Variants in PHTF2 observed in about 807,000 individuals in gnomAD.
The protein encoded by PHTF2 is protein PHTF2.
In PHTF2, 60 loss-of-function variants were observed where a neutral mutation model predicts 101.2. The observed-to-expected ratio is 0.59, with a 90% CI of 0.48 to 0.73. The LOEUF is 0.73. Among genes scored for constraint, PHTF2 ranks in the 30% least tolerant of loss-of-function variants. PHTF2 has a pLI of 0.00. For missense variants in PHTF2, 747 were observed against 908.7 expected (o/e 0.82, Z 2.29); for synonymous variants, 311 against 307.3 (o/e 1.01, Z -0.13).
intron 11 of PHTF2, among the ~76,000 whole-genome samples, chr7:77,926,071 A>C (rs1803973567): frequency 6.6e-6 from 1 of 151,874 alleles, no homozygotes; most frequent in South Asian, 2.1e-4. Flanking sequence ...AAACAAAAAC[A>C]AAAACCCACT....
chr7:77,872,880 A>C (rs1051928709), intron 3 of PHTF2, among the ~76,000 whole-genome samples: 5 of 152,094 alleles, frequency 3.3e-5, no homozygotes, highest in Non-Finnish European at 7.4e-5. Context: ...GCTCACTCAG[A>C]GTGGGCCATC....
In PHTF2 at chr7:77,839,846, A is replaced by G. The variant is rs553423496; in HGVS notation, c.-35-375A>G. On this transcript the variant is annotated intron_variant, in intron 1 of 19. Coordinates refer to ENST00000416283, the Ensembl canonical transcript of PHTF2. Reference sequence around the variant, plus strand: ...CCATCCTTTAGCAATGGTAACTGACACTGGTTTTTAGAAACAAACTACATT... The same window carrying G: ...CCATCCTTTAGCAATGGTAACTGACGCTGGTTTTTAGAAACAAACTACATT... 4.6e-5 allele frequency among the ~76,000 whole-genome samples: 7 copies of G among 152,310 alleles called. No individual in the cohort carries two copies. In the South Asian group the frequency reaches 1.0e-3, roughly 23 times the overall value.
rs775426168 is a variant in PHTF2, at chr7:77,940,263, CT to C, written c.1709del (p.Leu570CysfsTer4). On this transcript the variant is annotated frameshift_variant, in exon 14 of 20. Coordinates refer to ENST00000416283, the Ensembl canonical transcript of PHTF2. LOFTEE classifies it high-confidence loss of function. ...TTCGCGTGTCTCTTGTGTGGATTTT[CT>C]TTTTTTTGCTCTGTGTAGCAGAAAG... is the stretch of plus-strand genomic sequence containing the variant. 1.2e-6 allele frequency: 2 copies of C among 1,611,986 alleles called. No homozygotes were observed. The highest frequency in any genetic ancestry group is 1.1e-5 in the South Asian group (1 of 90,942).
chr7:77,848,455 A>G (rs1412779374), intron 2 of PHTF2, among the ~76,000 whole-genome samples: 1 of 152,174 alleles, frequency 6.6e-6, no homozygotes, highest in East Asian at 1.9e-4. Context: ...TTCTCTGATG[A>G]TCCATGATGT....
chr7:77,887,041 G>A (rs1238668525), intron 3 of PHTF2, among the ~76,000 whole-genome samples: 2 of 84,174 alleles, frequency 2.4e-5, no homozygotes, highest in African/African-American at 6.3e-5. Flanking sequence ...GTGAGACCCT[G>A]TCTTTAAAAA....
intron 16 of PHTF2, among the ~76,000 whole-genome samples, chr7:77,943,435 C>A (rs1805800230): frequency 4.6e-5 from 7 of 152,026 alleles, no homozygotes; most frequent in Admixed American, 4.6e-4. Flanking sequence ...CCTATTCTTT[C>A]ATTTTTTATA....
intron 5 of PHTF2, among the ~76,000 whole-genome samples, chr7:77,900,354 C>G (rs1198805546): frequency 6.6e-6 from 1 of 152,152 alleles, no homozygotes; most frequent in Non-Finnish European, 1.5e-5. Flanking sequence ...GGCTGCTGCT[C>G]CCCTAGCTAG....
At chr7:77,840,182 G>A (rs1318903654) in intron 1 of PHTF2, 39 bp from the exon 2 acceptor site, 4 of 1,074,886 alleles carry the variant, frequency 3.7e-6, no homozygotes, top group African/African-American at 1.6e-5. Flanking sequence ...TTGGAAGGTG[G>A]GAAATAAAGT....
chr7:77,954,614 A>ATATATATATATG (rs1562982683), intron 19 of PHTF2, among the ~76,000 whole-genome samples: 1 of 39,416 alleles, frequency 2.5e-5, no homozygotes, highest in African/African-American at 1.1e-4. Context: ...AGTACTGTGT[A>ATATATATATATG]TATATATATA....
chr7:77,917,670 C>A (rs1199760555), intron 9 of PHTF2, among the ~76,000 whole-genome samples: 2 of 152,200 alleles, frequency 1.3e-5, no homozygotes, highest in Non-Finnish European at 2.9e-5. Flanking sequence ...CCCTGCCAGG[C>A]TGCACCTGGT....
At chr7:77,938,334 A>G (rs1242043216) in intron 13 of PHTF2, among the ~76,000 whole-genome samples, 1 of 152,258 alleles carries the variant, frequency 6.6e-6, no homozygotes, top group Admixed American at 6.5e-5. Context: ...TAATGCAGAT[A>G]GTGGTAAAAG....
intron 5 of PHTF2, among the ~76,000 whole-genome samples, chr7:77,899,318 C>A (rs1406287804): frequency 6.6e-6 from 1 of 151,572 alleles, no homozygotes; most frequent in African/African-American, 2.4e-5. Context: ...TCACCTTGTT[C>A]GACCTCAGCT....
At chr7:77,878,780 A>G (rs1799158764) in intron 3 of PHTF2, among the ~76,000 whole-genome samples, 1 of 152,258 alleles carries the variant, frequency 6.6e-6, no homozygotes, top group Non-Finnish European at 1.5e-5. Context: ...TTACGTAAGT[A>G]TAAATGAGAG....
chr7:77,891,581 T>TGTTG (rs1554373626), intron 3 of PHTF2, among the ~76,000 whole-genome samples: 5 of 151,624 alleles, frequency 3.3e-5, no homozygotes, highest in African/African-American at 4.9e-5. Context: ...ATGGTTTTTT[T>TGTTG]TTGTTGTTGT....
At chr7:77,859,812 CA>C (rs1428941970) in intron 3 of PHTF2, among the ~76,000 whole-genome samples, 1 of 152,078 alleles carries the variant, frequency 6.6e-6, no homozygotes, top group East Asian at 1.9e-4. Context: ...TGGGCTGAAG[CA>C]ATCCTCCTGC....
chr7:77,873,915 C>G (rs898552145), intron 3 of PHTF2, among the ~76,000 whole-genome samples: 11 of 152,166 alleles, frequency 7.2e-5, no homozygotes, highest in Non-Finnish European at 1.6e-4. Flanking sequence ...ACAATTTCAG[C>G]TATTTCTCTA....
exon 18 of PHTF2, chr7:77,951,674 G>A (rs976987721): frequency 6.7e-7 from 1 of 1,482,946 alleles, no homozygotes; most frequent in Admixed American, 2.2e-5. Context: ...ACTGACACTA[G>A]TGAATAATGT....
intron 3 of PHTF2, among the ~76,000 whole-genome samples, chr7:77,873,999 T>C (rs374964439): frequency 9.2e-5 from 14 of 152,200 alleles, no homozygotes; most frequent in African/African-American, 3.1e-4. Flanking sequence ...AGCCAGGAGA[T>C]AGAATCCCTG....
intron 3 of PHTF2, among the ~76,000 whole-genome samples, chr7:77,880,355 A>G (rs1031568858): frequency 6.6e-6 from 1 of 152,190 alleles, no homozygotes; most frequent in Non-Finnish European, 1.5e-5. Flanking sequence ...CAGGCTTTTA[A>G]GACATCAGTC....
Sources: allele counts gnomAD v4.1 joint callset (sites outside exome capture counted in the v4.1 genomes callset), GRCh38; gene constraint gnomAD v4.1.1; transcripts MANE v1.5; gene names NCBI Gene and HGNC (gene_info 2026-07-23, HGNC 2026-07-21).